STIM2: variants seen among roughly 807,000 people sequenced by gnomAD.
The protein encoded by STIM2 is stromal interaction molecule 2.
STIM2 carries 31 observed loss-of-function variants against 85.8 expected under a neutral mutation model. The observed-to-expected ratio is 0.36, with a 90% CI of 0.27 to 0.49. STIM2 has a LOEUF of 0.49. STIM2 is among the 20% of genes least tolerant of loss of function. The pLI is 0.98. For synonymous variants in STIM2, 356 were observed against 331.1 expected (o/e 1.08, Z -0.82); for missense variants, 841 against 927.6 (o/e 0.91, Z 1.21).
Position 26,877,376 on chromosome 4 carries a change from T to A in STIM2, c.151+16007T>A, listed in dbSNP as rs553473234. The stretch of plus-strand genomic sequence containing the variant: ...CCTGTCTGTTCTTATGTTGTCCAGA[T>A]CCTTTAACATATTAATCTTTTCCTT... On this transcript the variant is annotated intron_variant, in intron 1 of 11. Coordinates refer to ENST00000467087, the MANE Select transcript of STIM2 (RefSeq NM_020860.4). 2.0e-5 allele frequency among the ~76,000 whole-genome samples: 3 copies of A among 152,290 alleles called. No individual in the cohort carries two copies. In the East Asian group the frequency reaches 5.8e-4, roughly 29 times the overall value.
At chr4:26,941,470 T>G (rs1725609977) in intron 2 of STIM2, among the ~76,000 whole-genome samples, 1 of 152,046 alleles carries the variant, frequency 6.6e-6, no homozygotes, top group Non-Finnish European at 1.5e-5. Flanking sequence ...ATATGTTTGG[T>G]GATGGGGGAA....
In STIM2 at chr4:26,861,229, T is replaced by A; in HGVS notation, c.11T>A (p.Leu4His). ...CGGCGCTGGGCTGCGTTGCTGGTGC[T>A]CGGGCTGCTGGTAGCCGGAGCGGCG... The change falls in exon 1 of 12, where the codon CTC (leucine) becomes CAC (histidine). Residue 4 changes from leucine to histidine, a missense_variant. Physicochemically the swap from Leu to His is moderately conservative, Grantham distance 99. Transcript: ENST00000467087. The A allele has an allele frequency of 1.3e-6, 2 of 1,493,590 alleles. No individual in the cohort carries two copies. The highest frequency in any genetic ancestry group is 1.8e-6 in the Non-Finnish European group (2 of 1,128,910). 92.5% of individuals were successfully genotyped at this position (1,493,590 alleles called of 1,614,324 possible).
chr4:26,883,971 T>C (rs1490480895), intron 1 of STIM2, among the ~76,000 whole-genome samples: 2 of 152,222 alleles, frequency 1.3e-5, no homozygotes, highest in African/African-American at 4.8e-5. Context: ...TATCAGATTG[T>C]TACCTGATTA....
intron 1 of STIM2, among the ~76,000 whole-genome samples, chr4:26,915,147 A>G (rs1724488828): frequency 6.6e-6 from 1 of 152,216 alleles, no homozygotes; most frequent in South Asian, 2.1e-4. Flanking sequence ...TATCTGCCCC[A>G]TACAGGGTTG....
Position 27,017,933 on chromosome 4 carries a change from A to T in STIM2, c.1712A>T (p.Tyr571Phe), listed in dbSNP as rs757883766. 2 of 1,614,028 alleles carry T rather than the reference A, an allele frequency of 1.2e-6. No individual in the cohort carries two copies. The highest frequency in any genetic ancestry group is 1.6e-4 in the Middle Eastern group (1 of 6,062). Residue 571 changes from tyrosine (Y) to phenylalanine (F), a missense_variant, in exon 11 of 12, where the codon TAT becomes TTT. Transcript: ENST00000467087. Reference sequence around the variant, plus strand: ...TCAGTGTCAAGTTGCCCTGCGCTTTATCGAAATGAAGAGGAGGAAGAGGCC... The same window carrying T: ...TCAGTGTCAAGTTGCCCTGCGCTTTTTCGAAATGAAGAGGAGGAAGAGGCC...
intron 3 of STIM2, among the ~76,000 whole-genome samples, chr4:26,980,914 A>G (rs1430631945): frequency 6.6e-6 from 1 of 152,162 alleles, no homozygotes; most frequent in Non-Finnish European, 1.5e-5. Context: ...TAGAAGCTTT[A>G]CTTCTAATAT....
intron 1 of STIM2, among the ~76,000 whole-genome samples, chr4:26,912,269 A>C (rs762023638): frequency 6.6e-6 from 1 of 152,204 alleles, no homozygotes. Flanking sequence ...GCTGTTAAAC[A>C]CTGTTAGTGG....
At chr4:26,878,292 CTAA>C (rs1722886714) in intron 1 of STIM2, among the ~76,000 whole-genome samples, 1 of 152,140 alleles carries the variant, frequency 6.6e-6, no homozygotes, top group African/African-American at 2.4e-5. Flanking sequence ...CCTTCTCCCC[CTAA>C]TCTTTCCCCT....
Position 26,861,262 on chromosome 4 carries a change from G to A in STIM2, c.44G>A (p.Cys15Tyr). Residue 15 changes from cysteine (C) to tyrosine (Y), a missense_variant, in exon 1 of 12, where the codon TGC becomes TAC. Around this residue, in one of 3 missense-constraint regions of STIM2, gnomAD observed 140 missense variants for 117.7 expected, o/e 1.19. Coordinates refer to ENST00000467087, the MANE Select transcript of STIM2 (RefSeq NM_020860.4). ...CTGGTAGCCGGAGCGGCGGACGGAT[G>A]CGAGCTTGTGCCCCGGCACCTCCGC... The A allele has an allele frequency of 6.8e-7, 1 of 1,476,804 alleles. No homozygotes were observed. Among genetic ancestry groups the A allele is most frequent in the Non-Finnish European group, 8.9e-7 (1 of 1,119,800 alleles). 91.5% of individuals were successfully genotyped at this position (1,476,804 alleles called of 1,614,324 possible).
rs563505750 is a variant in STIM2, at chr4:26,979,125, A to G, written c.398-16254A>G. Among the ~76,000 whole-genome samples the G allele has an allele frequency of 2.0e-5, 3 of 152,276 alleles. No homozygotes were observed. The South Asian group carries it at 6.2e-4, about 32-fold the overall frequency. On this transcript the variant is annotated intron_variant, in intron 3 of 11. Transcript: ENST00000467087. ...ACTCTCACCACTGAAAACTTCCAAA[A>G]TCTTCCTGGCTATTACAGATTTTTA... is the stretch of plus-strand genomic sequence containing the variant.
rs767677334 is a variant in STIM2, at chr4:26,919,571, A to G, written c.219A>G (p.Gln73=). 21 of 1,613,628 alleles carry G rather than the reference A, an allele frequency of 1.3e-5. No individual in the cohort carries two copies. The highest frequency in any genetic ancestry group is 1.6e-4 in the Middle Eastern group (1 of 6,080). ...ACAGATTTAGTCTGGAAGCTCTTCAAACAATACATAAACAAATGGATGATG... is the reference window on the plus strand; with the variant it reads ...ACAGATTTAGTCTGGAAGCTCTTCAGACAATACATAAACAAATGGATGATG... Residue 73 remains glutamine (Q), a synonymous_variant, in exon 2 of 12, where the codon CAA becomes CAG. Coordinates refer to ENST00000467087, the MANE Select transcript of STIM2 (RefSeq NM_020860.4).
At chr4:26,894,843 T>G (rs1440481274) in intron 1 of STIM2, among the ~76,000 whole-genome samples, 1 of 152,250 alleles carries the variant, frequency 6.6e-6, no homozygotes. Context: ...CTATTGGAAC[T>G]GCACTGGTTC....
In STIM2 at chr4:27,023,111, T is replaced by C; in HGVS notation, c.*115T>C. On this transcript the variant is annotated 3_prime_UTR_variant, in exon 12 of 12. Transcript: ENST00000467087. ...TTAGGAATGTAACTCCATTGGGGCT[T>C]TCCAGGCCGGATGCCATAGTGGAAC... is the stretch of plus-strand genomic sequence containing the variant. The C allele has an allele frequency of 9.8e-7, 1 of 1,016,374 alleles. No individual in the cohort carries two copies. The highest frequency in any genetic ancestry group is 1.4e-6 in the Non-Finnish European group (1 of 691,090). The allele number at this position is 1,016,374 out of a possible 1,614,324, so 63.0% of individuals were successfully genotyped here. A position where few individuals can be genotyped will look rare whatever the true frequency, so the allele number is the denominator to read the frequency against.
At chr4:26,934,208 A>G (rs1299288118) in intron 2 of STIM2, among the ~76,000 whole-genome samples, 2 of 152,176 alleles carry the variant, frequency 1.3e-5, no homozygotes, top group East Asian at 1.9e-4. Context: ...AGAAAAAAAA[A>G]TACCCACAAA....
intron 1 of STIM2, among the ~76,000 whole-genome samples, chr4:26,896,005 C>A (rs1048517525): frequency 1.3e-5 from 2 of 152,166 alleles, no homozygotes; most frequent in Non-Finnish European, 2.9e-5. Context: ...AGGCTGAAAT[C>A]GAGGTGTTGG....
intron 3 of STIM2, among the ~76,000 whole-genome samples, chr4:26,960,310 A>G (rs995525784): frequency 2.0e-5 from 3 of 152,340 alleles, no homozygotes; most frequent in Middle Eastern, 3.4e-3. Flanking sequence ...GAATATATAC[A>G]AAAGTGTGTG....
chr4:26,945,336 A>T lies in STIM2; in HGVS notation c.283-12276A>T, dbSNP rs1725779064. 1.3e-5 allele frequency among the ~76,000 whole-genome samples: 2 copies of T among 152,148 alleles called. 1 individual carries two copies. Among genetic ancestry groups the T allele is most frequent in the South Asian group, 4.1e-4 (2 of 4,828 alleles). On this transcript the variant is annotated intron_variant, in intron 2 of 11. Coordinates refer to ENST00000467087, the MANE Select transcript of STIM2 (RefSeq NM_020860.4). ...TAAATGTACTGCATTTTCTTTATCC[A>T]GTCTGTCATTGATGGGCGTTTAGGT... is the stretch of plus-strand genomic sequence containing the variant.
At chr4:26,909,653 T>A (rs1724259840) in intron 1 of STIM2, among the ~76,000 whole-genome samples, 2 of 152,230 alleles carry the variant, frequency 1.3e-5, no homozygotes, top group South Asian at 4.1e-4. Context: ...AGCTTGTGTT[T>A]GGTTGTAGCT....
intron 3 of STIM2, among the ~76,000 whole-genome samples, chr4:26,959,209 C>T (rs776170119): frequency 6.6e-6 from 1 of 151,994 alleles, no homozygotes; most frequent in Non-Finnish European, 1.5e-5. Context: ...TCTGTTTCCA[C>T]CTCTCTCTCA....
Sources: gnomAD v4.1 joint callset for allele counts (sites outside exome capture counted in the v4.1 genomes callset) on GRCh38, gnomAD v4.1.1 for gene constraint, gnomAD v4.1.1 regional missense constraint, MANE v1.5 for transcripts, NCBI Gene and HGNC (gene_info 2026-07-23, HGNC 2026-07-21) for gene names.